Variants in DIAPH3 observed in about 807,000 individuals in gnomAD.
DIAPH3 encodes protein diaphanous homolog 3.
DIAPH3 carries 117 observed loss-of-function variants against 144.3 expected under a neutral mutation model. The ratio of observed to expected loss-of-function variants is 0.81; its 90% CI spans 0.70 to 0.95. The LOEUF (loss-of-function observed/expected upper bound fraction) is 0.95. Ranked by LOEUF, DIAPH3 falls within the 40% of genes least tolerant of loss-of-function variation. DIAPH3 has a pLI of 0.00. For synonymous variants in DIAPH3, 519 were observed against 488.9 expected, an observed-to-expected ratio of 1.06 and a Z score of -0.81; for missense variants, 1,421 against 1,412.7, an observed-to-expected ratio of 1.01 and a Z score of -0.09.
At chr13:59,802,667 A>ATTATTATTATTATTTT (rs1433627853) in intron 25 of DIAPH3, among the ~76,000 whole-genome samples, 2 of 23,762 alleles carry the variant, frequency 8.4e-5, no homozygotes, top group East Asian at 1.4e-3. Flanking sequence ...TATTATTATT[A>ATTATTATTATTATTTT]TTTTTTTTTT....
intron 7 of DIAPH3, among the ~76,000 whole-genome samples, chr13:60,014,083 ATAT>A: frequency 6.6e-6 from 1 of 152,176 alleles, no homozygotes; most frequent in Non-Finnish European, 1.5e-5. Flanking sequence ...CAAAGTAAGA[ATAT>A]TATCTTCTAT....
intron 1 of DIAPH3, among the ~76,000 whole-genome samples, chr13:60,135,333 T>G (rs554077296): frequency 6.6e-6 from 1 of 152,180 alleles, no homozygotes; most frequent in Admixed American, 6.5e-5. Context: ...TCCTAAAGGC[T>G]TGATCTGTTT....
At chr13:59,694,661 TG>T (rs2033705925) in intron 27 of DIAPH3, among the ~76,000 whole-genome samples, 1 of 152,184 alleles carries the variant, frequency 6.6e-6, no homozygotes, top group Admixed American at 6.5e-5. Flanking sequence ...AGTGAACATA[TG>T]ACTTTAGTAA....
chr13:59,686,838 C>A (rs1179016754), intron 27 of DIAPH3, among the ~76,000 whole-genome samples: 1 of 151,996 alleles, frequency 6.6e-6, no homozygotes, highest in Non-Finnish European at 1.5e-5. Flanking sequence ...ACAGAAATAG[C>A]CTTCTGAAGT....
intron 2 of DIAPH3, among the ~76,000 whole-genome samples, chr13:60,130,868 G>A (rs563258976): frequency 1.3e-5 from 2 of 152,136 alleles, no homozygotes; most frequent in Non-Finnish European, 2.9e-5. Flanking sequence ...TGAGGAATGG[G>A]GGAAGGTCAG....
At chr13:59,725,977 T>G (rs1049327667) in intron 27 of DIAPH3, among the ~76,000 whole-genome samples, 1 of 152,168 alleles carries the variant, frequency 6.6e-6, no homozygotes, top group Non-Finnish European at 1.5e-5. Flanking sequence ...AAATTTATAA[T>G]TACTTATTAA....
intron 5 of DIAPH3, among the ~76,000 whole-genome samples, chr13:60,031,268 C>T (rs2054772633): frequency 6.6e-6 from 1 of 151,960 alleles, no homozygotes; most frequent in Non-Finnish European, 1.5e-5. Flanking sequence ...TGAGATCTTA[C>T]AAGAACTCAC....
intron 27 of DIAPH3, among the ~76,000 whole-genome samples, chr13:59,689,159 A>C (rs746657192): frequency 6.6e-6 from 1 of 152,124 alleles, no homozygotes; most frequent in Non-Finnish European, 1.5e-5. Context: ...AAGTCTCCTG[A>C]AAGGCCACAA....
intron 1 of DIAPH3, among the ~76,000 whole-genome samples, chr13:60,140,887 T>C (rs1342635880): frequency 1.3e-5 from 2 of 152,164 alleles, no homozygotes; most frequent in Non-Finnish European, 1.5e-5. Context: ...TATTTTCAAG[T>C]ATGTCAGAAT....
intron 18 of DIAPH3, among the ~76,000 whole-genome samples, chr13:59,920,942 C>G (rs999335713): frequency 6.6e-6 from 1 of 151,478 alleles, no homozygotes; most frequent in African/African-American, 2.4e-5. Flanking sequence ...GAAGAAAATT[C>G]AAAAACTTTT....
intron 27 of DIAPH3, among the ~76,000 whole-genome samples, chr13:59,693,594 C>T (rs1241531748): frequency 6.6e-6 from 1 of 152,032 alleles, no homozygotes; most frequent in East Asian, 1.9e-4. Flanking sequence ...CATTGCGGAA[C>T]AAAAACAGCG....
chr13:59,961,142 C>A (rs562564966), intron 17 of DIAPH3, among the ~76,000 whole-genome samples: 12 of 152,238 alleles, frequency 7.9e-5, no homozygotes, highest in Admixed American at 6.5e-4. Context: ...TGAACATAGG[C>A]CATTTAACTT....
intron 25 of DIAPH3, among the ~76,000 whole-genome samples, chr13:59,791,154 A>G (rs2039305879): frequency 6.6e-6 from 1 of 152,008 alleles, no homozygotes; most frequent in South Asian, 2.1e-4. Context: ...TTGTTTTATA[A>G]AGACAGGATC....
chr13:60,051,503 C>A (rs532700686), intron 4 of DIAPH3, among the ~76,000 whole-genome samples: 3 of 152,082 alleles, frequency 2.0e-5, no homozygotes, highest in African/African-American at 4.8e-5. Flanking sequence ...GCCTGTAATC[C>A]AAGCTACTTG....
chr13:59,811,965 T>C (rs1334884052), intron 24 of DIAPH3, among the ~76,000 whole-genome samples: 1 of 151,888 alleles, frequency 6.6e-6, no homozygotes, highest in East Asian at 1.9e-4. Context: ...ACAAAGAGAG[T>C]AACATTATAT....
intron 27 of DIAPH3, among the ~76,000 whole-genome samples, chr13:59,674,562 C>G (rs903069871): frequency 6.6e-6 from 1 of 152,214 alleles, no homozygotes; most frequent in Non-Finnish European, 1.5e-5. Flanking sequence ...CTTTGGCCCT[C>G]TTTTCTGCCC....
intron 27 of DIAPH3, among the ~76,000 whole-genome samples, chr13:59,771,650 T>C (rs1180098073): frequency 6.6e-6 from 1 of 152,028 alleles, no homozygotes; most frequent in Non-Finnish European, 1.5e-5. Context: ...ATATTAAGAG[T>C]ATGGCATGGC....
intron 5 of DIAPH3, among the ~76,000 whole-genome samples, chr13:60,018,454 A>T (rs1475756840): frequency 6.6e-6 from 1 of 152,164 alleles, no homozygotes; most frequent in East Asian, 1.9e-4. Context: ...AAAAATAGCT[A>T]TTTAAAATGT....
At chr13:59,855,793 T>A (rs898482665) in intron 22 of DIAPH3, among the ~76,000 whole-genome samples, 11 of 151,760 alleles carry the variant, frequency 7.2e-5, no homozygotes, top group Admixed American at 2.0e-4. Flanking sequence ...TGTCAAGAGA[T>A]AACTCAGAGT....
Sources: gnomAD v4.1 joint callset for allele counts (sites outside exome capture counted in the v4.1 genomes callset) on GRCh38, gnomAD v4.1.1 for gene constraint, MANE v1.5 for transcripts, NCBI Gene and HGNC (gene_info 2026-07-23, HGNC 2026-07-21) for gene names.